MAPK14: variants seen among roughly 807,000 people sequenced by gnomAD.
The protein encoded by MAPK14 is CSAID-binding protein.
In MAPK14, 16 loss-of-function variants were observed where a neutral mutation model predicts 49.6. The observed-to-expected ratio is 0.32, with a 90% CI of 0.22 to 0.49. MAPK14 has a LOEUF of 0.49. Among genes scored for constraint, MAPK14 ranks in the 20% least tolerant of loss-of-function variants. MAPK14 has a pLI of 0.99. For synonymous variants in MAPK14, 142 were observed against 158.0 expected (o/e 0.90, Z 0.76); for missense variants, 200 against 441.2 (o/e 0.45, Z 4.90).
chr6:36,119,995 A>G, the MAPK14 span, among the ~76,000 whole-genome samples: 1 of 152,162 alleles, frequency 6.6e-6, no homozygotes, highest in African/African-American at 2.4e-5. Flanking sequence ...AGGGAGGGAG[A>G]GAGGGCATGG....
chr6:36,111,878 C>G (rs951559648), downstream of MAPK14, among the ~76,000 whole-genome samples: 1 of 152,096 alleles, frequency 6.6e-6, no homozygotes, highest in Admixed American at 6.5e-5. Context: ...AAAAGGGCCC[C>G]GGTTGTTACA....
chr6:36,071,671 C>T (rs1197365422), intron 3 of MAPK14, among the ~76,000 whole-genome samples: 2 of 152,104 alleles, frequency 1.3e-5, no homozygotes, highest in Non-Finnish European at 2.9e-5. Context: ...AAAAAAAATA[C>T]TCCTATTTTA....
chr6:36,111,336 A>G (rs922446888), downstream of MAPK14: 2 of 152,198 alleles, frequency 1.3e-5, no homozygotes, highest in Admixed American at 6.5e-5. Flanking sequence ...CAAAATGTCA[A>G]CCATTTACCA....
chr6:36,058,624 C>T (rs1217361873), intron 2 of MAPK14, among the ~76,000 whole-genome samples: 1 of 152,072 alleles, frequency 6.6e-6, no homozygotes, highest in Non-Finnish European at 1.5e-5. Flanking sequence ...CGTGGCTGGC[C>T]GTGGTGGCTC....
chr6:36,094,944 A>G (rs1409789971), intron 8 of MAPK14, among the ~76,000 whole-genome samples: 1 of 152,112 alleles, frequency 6.6e-6, no homozygotes, highest in Non-Finnish European at 1.5e-5. Flanking sequence ...AGCCAAGAGG[A>G]TTTAGTCATG....
intron 6 of MAPK14, among the ~76,000 whole-genome samples, chr6:36,074,836 G>A (rs1415915967): frequency 5.9e-5 from 9 of 151,884 alleles, no homozygotes; most frequent in South Asian, 2.1e-4. Context: ...GGATGGTGTC[G>A]ATCTCCTGAC....
intron 2 of MAPK14, among the ~76,000 whole-genome samples, chr6:36,057,649 G>A (rs1331358633): frequency 6.6e-6 from 1 of 152,070 alleles, no homozygotes; most frequent in East Asian, 1.9e-4. Context: ...TACCCAGGAG[G>A]CAGAGGTTGC....
intron 1 of MAPK14, among the ~76,000 whole-genome samples, chr6:36,030,554 G>T (rs1055166220): frequency 2.0e-5 from 3 of 151,944 alleles, no homozygotes; most frequent in Non-Finnish European, 4.4e-5. Flanking sequence ...GCCCGTGGTG[G>T]CGGGCGCCTG....
At chr6:36,089,935 G>T (rs945136018) in intron 8 of MAPK14, among the ~76,000 whole-genome samples, 1 of 152,208 alleles carries the variant, frequency 6.6e-6, no homozygotes, top group African/African-American at 2.4e-5. Context: ...TTCTACCAGA[G>T]ATCACAGCCT....
intron 1 of MAPK14, among the ~76,000 whole-genome samples, chr6:36,049,655 T>C (rs1763318595): frequency 6.6e-6 from 1 of 152,156 alleles, no homozygotes; most frequent in Non-Finnish European, 1.5e-5. Flanking sequence ...GATGGAGAAC[T>C]GTTAAGGGAA....
intron 8 of MAPK14, among the ~76,000 whole-genome samples, chr6:36,086,865 C>T (rs1244476668): frequency 6.6e-6 from 1 of 152,198 alleles, no homozygotes; most frequent in African/African-American, 2.4e-5. Context: ...GCCAATATCC[C>T]TGATGAACAT....
chr6:36,090,424 G>C (rs1033041686), intron 8 of MAPK14, among the ~76,000 whole-genome samples: 13 of 150,966 alleles, frequency 8.6e-5, no homozygotes, highest in Admixed American at 5.9e-4. Flanking sequence ...CCTGAGGCTG[G>C]TCTAGAACTC....
At chr6:36,036,180 GA>G (rs1762740868) in intron 1 of MAPK14, among the ~76,000 whole-genome samples, 1 of 148,772 alleles carries the variant, frequency 6.7e-6, no homozygotes, top group Non-Finnish European at 1.5e-5. Context: ...AGGTTGCAGT[GA>G]GCCACTGCAA....
intron 3 of MAPK14, among the ~76,000 whole-genome samples, chr6:36,067,636 T>C (rs1408393608): frequency 6.6e-6 from 1 of 152,212 alleles, no homozygotes; most frequent in Non-Finnish European, 1.5e-5. Context: ...GGGCATCTTT[T>C]AGTAATCTTT....
chr6:36,037,058 A>G (rs1205282551), intron 1 of MAPK14, among the ~76,000 whole-genome samples: 1 of 152,162 alleles, frequency 6.6e-6, no homozygotes, highest in African/African-American at 2.4e-5. Flanking sequence ...ATATTTTTAA[A>G]TTAAGGTATG....
chr6:36,051,298 A>G (rs1205022087), intron 1 of MAPK14, among the ~76,000 whole-genome samples: 3 of 151,910 alleles, frequency 2.0e-5, no homozygotes, highest in Non-Finnish European at 4.4e-5. Context: ...TTTAGTAGAG[A>G]TGGGGTTTCA....
chr6:36,099,811 AT>A (rs749210455), intron 9 of MAPK14, among the ~76,000 whole-genome samples: 6 of 152,160 alleles, frequency 3.9e-5, no homozygotes, highest in Admixed American at 6.5e-5. Flanking sequence ...TTGAGTCAAA[AT>A]TTTTGGAATC....
intron 3 of MAPK14, 34 bp downstream of exon 3, chr6:36,059,381 T>G (rs751366338): frequency 6.7e-7 from 1 of 1,497,114 alleles, no homozygotes; most frequent in South Asian, 1.1e-5. Context: ...CTTCCTGGTC[T>G]ACAGAATGAA....
intron 2 of MAPK14, among the ~76,000 whole-genome samples, chr6:36,056,267 A>T (rs1466551393): frequency 1.3e-5 from 2 of 152,136 alleles, no homozygotes; most frequent in African/African-American, 4.8e-5. Context: ...TATTTTGATG[A>T]TCCACAGTGG....
Sources: gnomAD v4.1 joint callset for allele counts (sites outside exome capture counted in the v4.1 genomes callset) on GRCh38, gnomAD v4.1.1 for gene constraint, MANE v1.5 for transcripts, NCBI Gene and HGNC (gene_info 2026-07-23, HGNC 2026-07-21) for gene names.